GADL1: variants seen among roughly 807,000 people sequenced by gnomAD.
GADL1 encodes GAD like acidic amino acid decarboxylase 1.
In GADL1, 71 loss-of-function variants were observed where a neutral mutation model predicts 69.5. That is an observed-to-expected ratio of 1.02 (90% CI 0.84 to 1.25). GADL1 has a LOEUF of 1.25. Ranked by LOEUF, GADL1 falls within the 50% of genes most tolerant of loss-of-function variation. The pLI is 0.00. For synonymous variants in GADL1, 254 were observed against 214.4 expected (o/e 1.18, Z -1.62); for missense variants, 737 against 631.8 (o/e 1.17, Z -1.79).
intron 1 of GADL1, among the ~76,000 whole-genome samples, chr3:30,892,258 C>T (rs1698796584): frequency 1.3e-5 from 2 of 152,300 alleles, no homozygotes; most frequent in South Asian, 4.1e-4. Context: ...TGGTATTCTT[C>T]CGTAATGTAT....
intron 14 of GADL1, among the ~76,000 whole-genome samples, chr3:30,751,392 C>CT (rs532032103): frequency 3.4e-4 from 51 of 152,060 alleles, no homozygotes; most frequent in African/African-American, 1.1e-3. Flanking sequence ...TCAGTCTGTG[C>CT]TTTTTCTTTC....
intron 14 of GADL1, among the ~76,000 whole-genome samples, chr3:30,755,198 T>C (rs910617853): frequency 1.3e-5 from 2 of 152,164 alleles, no homozygotes; most frequent in African/African-American, 2.4e-5. Context: ...CTGTAAATCA[T>C]ATCATTTATA....
At chr3:30,854,868 C>G in intron 3 of GADL1, 79 bp from the exon 4 acceptor site, 1 of 731,822 alleles carries the variant, frequency 1.4e-6, no homozygotes, top group South Asian at 1.8e-5. Context: ...ATAAATGAAT[C>G]TTTCAGAAAA....
chr3:30,833,603 G>C (rs376955550), intron 11 of GADL1, among the ~76,000 whole-genome samples: 8 of 152,032 alleles, frequency 5.3e-5, no homozygotes, highest in African/African-American at 1.9e-4. Context: ...TGGTGAGAGA[G>C]AGACCATTTT....
rs188315657 is a variant in GADL1 at position 30,739,275 on chromosome 3, A to T, written c.1393-10860T>A. ...ATCTTGTTCTATACAGGCTGCCGAG[A>T]CATTCCAATTATGCCTTGGTGAGAT... On this transcript the variant is annotated intron_variant, in intron 14 of 14. Coordinates refer to ENST00000282538, the MANE Select transcript of GADL1 (RefSeq NM_207359.3). Among the ~76,000 whole-genome samples the T allele has an allele frequency of 1.2e-3, 190 of 152,234 alleles. 2 individuals carry two copies. The Middle Eastern group carries it at 0.02, about 16-fold the overall frequency.
chr3:30,820,773 AG>A (rs1436590795), intron 11 of GADL1, among the ~76,000 whole-genome samples: 1 of 151,890 alleles, frequency 6.6e-6, no homozygotes, highest in East Asian at 1.9e-4. Context: ...GCGATTCCTC[AG>A]GGATCTAGAA....
At chr3:30,892,743 T>C (rs1698801640) in intron 1 of GADL1, among the ~76,000 whole-genome samples, 1 of 152,178 alleles carries the variant, frequency 6.6e-6, no homozygotes, top group Non-Finnish European at 1.5e-5. Flanking sequence ...AGGGTTAAGG[T>C]CAGATAAAAC....
chr3:30,766,292 A>AT (rs1243715210), intron 14 of GADL1, among the ~76,000 whole-genome samples: 1 of 152,206 alleles, frequency 6.6e-6, no homozygotes, highest in African/African-American at 2.4e-5. Context: ...ATTCACTCTC[A>AT]TTAACCCTGA....
intron 14 of GADL1, among the ~76,000 whole-genome samples, chr3:30,772,410 G>T (rs1367814614): frequency 6.6e-6 from 1 of 152,176 alleles, no homozygotes; most frequent in Non-Finnish European, 1.5e-5. Context: ...ACTGAGTAAT[G>T]ATGGGGCAAA....
intron 14 of GADL1, among the ~76,000 whole-genome samples, chr3:30,751,561 A>G (rs1235284354): frequency 6.6e-6 from 1 of 151,540 alleles, no homozygotes; most frequent in Non-Finnish European, 1.5e-5. Context: ...TATCTAGTAG[A>G]CTAGAAAAAA....
chr3:30,784,420 T>C (rs1696745239), intron 13 of GADL1, among the ~76,000 whole-genome samples: 1 of 151,782 alleles, frequency 6.6e-6, no homozygotes, highest in African/African-American at 2.4e-5. Flanking sequence ...TCTCGCACTC[T>C]AAATTTGTTG....
At chr3:30,836,190 C>T (rs1158750190) in intron 9 of GADL1, among the ~76,000 whole-genome samples, 1 of 152,032 alleles carries the variant, frequency 6.6e-6, no homozygotes, top group African/African-American at 2.4e-5. Context: ...ACACTTTCCA[C>T]CTGCCTCATA....
At chr3:30,738,238 G>T (rs1248542916) in intron 14 of GADL1, among the ~76,000 whole-genome samples, 1 of 152,112 alleles carries the variant, frequency 6.6e-6, no homozygotes, top group Admixed American at 6.6e-5. Context: ...TACCAGAGGT[G>T]CTACCAACTC....
chr3:30,793,465 C>T (rs1037845656), intron 12 of GADL1, among the ~76,000 whole-genome samples: 1 of 152,062 alleles, frequency 6.6e-6, no homozygotes, highest in Non-Finnish European at 1.5e-5. Context: ...CCATAAACTA[C>T]TATCAAAAGG....
chr3:30,867,886 A>T (rs1698427464), intron 1 of GADL1, among the ~76,000 whole-genome samples: 1 of 152,046 alleles, frequency 6.6e-6, no homozygotes, highest in African/African-American at 2.4e-5. Flanking sequence ...AATGTAAACA[A>T]TGTAGACATT....
intron 11 of GADL1, among the ~76,000 whole-genome samples, chr3:30,817,334 T>C (rs985262327): frequency 6.6e-6 from 1 of 152,188 alleles, no homozygotes; most frequent in Non-Finnish European, 1.5e-5. Context: ...GATTCTAGAA[T>C]ATACTTAAGA....
chr3:30,851,191 A>T (rs1698141291), intron 4 of GADL1, among the ~76,000 whole-genome samples: 1 of 152,262 alleles, frequency 6.6e-6, no homozygotes, highest in Admixed American at 6.5e-5. Context: ...AAAAACCTCA[A>T]TTCCGTGAGG....
chr3:30,861,013 G>A (rs997920399), intron 2 of GADL1, among the ~76,000 whole-genome samples: 11 of 151,878 alleles, frequency 7.2e-5, no homozygotes, highest in Admixed American at 2.0e-4. Flanking sequence ...TGTCATTAGC[G>A]GCGGTTCTAA....
intron 14 of GADL1, among the ~76,000 whole-genome samples, chr3:30,776,286 A>G (rs568129964): frequency 4.0e-4 from 61 of 152,262 alleles, no homozygotes; most frequent in African/African-American, 1.5e-3. Context: ...TGGTGACCCT[A>G]TCTTTCTCAA....
Sources: allele counts gnomAD v4.1 joint callset (sites outside exome capture counted in the v4.1 genomes callset), GRCh38; gene constraint gnomAD v4.1.1; transcripts MANE v1.5; gene names NCBI Gene and HGNC (gene_info 2026-07-23, HGNC 2026-07-21).